The following CFAP20DC variants were observed in gnomAD, a reference collection of about 807,000 sequenced individuals.
CFAP20DC encodes protein CFAP20DC.
In CFAP20DC, 84 loss-of-function variants were observed where a neutral mutation model predicts 101.7. The observed-to-expected ratio is 0.83, with a 90% CI of 0.69 to 0.99. CFAP20DC has a LOEUF of 0.99. Ranked by LOEUF, CFAP20DC falls within the 50% of genes least tolerant of loss-of-function variation. The pLI, the probability that CFAP20DC is intolerant of heterozygous loss-of-function variation, is 0.00. For missense variants in CFAP20DC, 1,007 were observed against 970.3 expected (o/e 1.04, Z -0.50); for synonymous variants, 359 against 351.2 (o/e 1.02, Z -0.25).
rs1268397922 is a variant in CFAP20DC, at chr3:58,971,744, C to G, written c.279-33982G>C. On this transcript the variant is annotated intron_variant, in intron 4 of 16. Coordinates refer to ENST00000482387, the MANE Select transcript of CFAP20DC (RefSeq NM_001394063.1). The surrounding 1 kb of genome is among the most constrained non-coding windows in gnomAD (Gnocchi z 4.1). Reference sequence around the variant, plus strand: ...GAGACAGATTTAGTAGTATGGAAATCGTCTCAAGGCAGGTAACAGAGAAAG... The same window carrying G: ...GAGACAGATTTAGTAGTATGGAAATGGTCTCAAGGCAGGTAACAGAGAAAG... Among the ~76,000 whole-genome samples, 1 of 151,966 alleles carries G rather than the reference C, an allele frequency of 6.6e-6. No individual in the cohort carries two copies. The highest frequency in any genetic ancestry group is 2.1e-4 in the South Asian group (1 of 4,822).
chr3:58,728,195 G>T lies in CFAP20DC; in HGVS notation c.198-10567C>A, dbSNP rs2067583061. 1 of 152,222 alleles carries T rather than the reference G, an allele frequency of 6.6e-6. No homozygotes were observed. Among genetic ancestry groups the T allele is most frequent in the African/African-American group, 2.4e-5 (1 of 41,466 alleles). 9.4% of individuals were successfully genotyped at this position (152,222 alleles called of 1,614,324 possible). On this transcript the variant is annotated intron_variant, in intron 3 of 3. Transcript: ENST00000486145. This position sits in a 1 kb window ranked among gnomAD's most constrained non-coding sequence, Gnocchi z 4.7. ...ACTGTAAAGACCACTGATTATTCTG[G>T]TAAGTGGGCTAAGTCTATAGTAACA...
intron 4 of CFAP20DC, among the ~76,000 whole-genome samples, chr3:59,011,543 C>A (rs983664364): frequency 8.6e-5 from 13 of 151,620 alleles, no homozygotes; most frequent in African/African-American, 3.2e-4. Context: ...CCAAACTCAG[C>A]GGAAGGAACT....
Position 58,863,571 on chromosome 3 carries a change from T to C in CFAP20DC, c.1580A>G (p.Asp527Gly), listed in dbSNP as rs1576003919. ...TQSEDDFYGG[D>G]SSEEGNHSIQ... ...CAAGCAGTGTACCTCTTCACTGCTG[T>C]CGCCGCCGTAAAAATCATCCTCTGA... The change falls in exon 12 of 17, where the codon GAC becomes GGC. Residue 527 changes from aspartate to glycine, a missense_variant. Asp to Gly is a moderately conservative substitution (Grantham distance 94, BLOSUM62 -1). Coordinates refer to ENST00000482387, the MANE Select transcript of CFAP20DC (RefSeq NM_001394063.1). The surrounding 1 kb of genome is among the most constrained non-coding windows in gnomAD (Gnocchi z 5.9). 6.2e-7 allele frequency: 1 copy of C among 1,614,066 alleles called. No homozygotes were observed. Among genetic ancestry groups the C allele is most frequent in the Non-Finnish European group, 8.5e-7 (1 of 1,180,006 alleles).
chr3:59,012,266 G>T (rs1426736935), intron 4 of CFAP20DC, among the ~76,000 whole-genome samples: 1 of 152,216 alleles, frequency 6.6e-6, no homozygotes, highest in Non-Finnish European at 1.5e-5. Context: ...TGAAAAAAAG[G>T]GTACAGAAGT....
chr3:58,944,392 T>C (rs2089058317), intron 4 of CFAP20DC, among the ~76,000 whole-genome samples: 1 of 152,116 alleles, frequency 6.6e-6, no homozygotes, highest in African/African-American at 2.4e-5. Context: ...GATGAGAAAA[T>C]AAGACTCCAG....
chr3:58,847,535 G>A (rs904328562), intron 13 of CFAP20DC, among the ~76,000 whole-genome samples: 1 of 151,344 alleles, frequency 6.6e-6, no homozygotes, highest in Non-Finnish European at 1.5e-5. Flanking sequence ...TGGAGAAGAT[G>A]TGGAGAAATA....
chr3:58,942,233 TGTTG>T (rs963316748), intron 4 of CFAP20DC, among the ~76,000 whole-genome samples: 1 of 152,228 alleles, frequency 6.6e-6, no homozygotes, highest in African/African-American at 2.4e-5. Flanking sequence ...GCTAGTATTT[TGTTG>T]AAGATTTTTA....
chr3:59,040,909 G>A (rs1049021143), intron 3 of CFAP20DC, among the ~76,000 whole-genome samples: 1 of 152,028 alleles, frequency 6.6e-6, no homozygotes, highest in Non-Finnish European at 1.5e-5. Flanking sequence ...CATCAGTAGT[G>A]TAAGCAATGT....
intron 4 of CFAP20DC, among the ~76,000 whole-genome samples, chr3:58,983,262 T>C (rs1312956345): frequency 6.6e-6 from 1 of 152,196 alleles, no homozygotes; most frequent in African/African-American, 2.4e-5. Context: ...GGTACATCTA[T>C]TAAAACAGCT....
chr3:59,011,411 A>T (rs1559987876), intron 4 of CFAP20DC, among the ~76,000 whole-genome samples: 1 of 151,894 alleles, frequency 6.6e-6, no homozygotes, highest in Non-Finnish European at 1.5e-5. Context: ...AAAAAAAAAA[A>T]AGTCTGAAAG....
intron 6 of CFAP20DC, among the ~76,000 whole-genome samples, chr3:58,898,904 CTT>C (rs1276185883): frequency 4.8e-4 from 71 of 149,296 alleles, no homozygotes; most frequent in Admixed American, 1.3e-3. Context: ...GTTGTTTTCT[CTT>C]TGTTTTTTTT....
At chr3:58,860,175 C>CAAAAAAAAA (rs10575757) in intron 12 of CFAP20DC, among the ~76,000 whole-genome samples, 4 of 78,190 alleles carry the variant, frequency 5.1e-5, no homozygotes, top group African/African-American at 9.3e-5. Context: ...AACTCCATCT[C>CAAAAAAAAA]AAAAAAAAAA....
intron 12 of CFAP20DC, among the ~76,000 whole-genome samples, chr3:58,851,538 C>A (rs1178328843): frequency 3.3e-5 from 5 of 152,038 alleles, no homozygotes; most frequent in Non-Finnish European, 7.4e-5. Context: ...ACTGTGCTCT[C>A]AAGAAAGGTC....
intron 15 of CFAP20DC, among the ~76,000 whole-genome samples, chr3:58,754,497 C>G (rs1559544203): frequency 6.6e-6 from 1 of 152,270 alleles, no homozygotes; most frequent in East Asian, 1.9e-4. Context: ...AGGCTTGAGT[C>G]ACTGCATATT....
Position 58,758,139 on chromosome 3 carries a change from TTTTG to T in CFAP20DC, c.2238-4280_2238-4277del, listed in dbSNP as rs754092852. ...ATACAATTTCCCCACTCTGGTGGCA[TTTTG>T]TTTGTTTGTTTTGTTTTTTATTTTA... On this transcript the variant is annotated intron_variant, in intron 15 of 16. Transcript: ENST00000482387. Among the ~76,000 whole-genome samples the T allele has an allele frequency of 4.4e-4, 67 of 152,248 alleles. 1 individual carries two copies. The highest frequency in any genetic ancestry group is 1.0e-3 in the African/African-American group (42 of 41,554).
chr3:58,771,962 T>C (rs1015017279), intron 15 of CFAP20DC, among the ~76,000 whole-genome samples: 4 of 152,190 alleles, frequency 2.6e-5, no homozygotes, highest in African/African-American at 9.7e-5. Context: ...ATTAAAATAT[T>C]AACATCAAGT....
intron 6 of CFAP20DC, among the ~76,000 whole-genome samples, chr3:58,891,088 G>C (rs2082198512): frequency 1.3e-5 from 2 of 150,064 alleles, no homozygotes; most frequent in South Asian, 4.3e-4. Context: ...GGGAGGTGTA[G>C]GTTGTAGTGA....
At chr3:58,849,435 A>G (rs1157257289) in intron 12 of CFAP20DC, 26 bp from the exon 13 acceptor site, 1 of 1,472,164 alleles carries the variant, frequency 6.8e-7, no homozygotes, top group East Asian at 2.5e-5. Flanking sequence ...AAGTAAAAAT[A>G]ATTTTGAGCA....
rs145600147 is a variant in CFAP20DC, at chr3:58,732,909, C to T, written c.198-15281G>A. On this transcript the variant is annotated intron_variant, in intron 3 of 3. Transcript: ENST00000486145. The surrounding 1 kb of genome is among the most constrained non-coding windows in gnomAD (Gnocchi z 5.4). Reference sequence around the variant, plus strand: ...CATTTGTAGGGGATGGCTGACCTTCCGAGTAGAAAATAAATGCAAAGCTGA... The same window carrying T: ...CATTTGTAGGGGATGGCTGACCTTCTGAGTAGAAAATAAATGCAAAGCTGA... Among the ~76,000 whole-genome samples, 102 of 152,190 alleles carry T rather than the reference C, an allele frequency of 6.7e-4. No homozygotes were observed. The highest frequency in any genetic ancestry group is 2.3e-3 in the African/African-American group (95 of 41,532).
Sources: gnomAD v4.1 joint callset for allele counts (sites outside exome capture counted in the v4.1 genomes callset) on GRCh38, gnomAD v4.1.1 for gene constraint, Gnocchi (gnomAD v3.1) non-coding constraint, MANE v1.5 for transcripts, NCBI Gene and HGNC (gene_info 2026-07-23, HGNC 2026-07-21) for gene names.